Variants in TET3 observed in about 807,000 individuals in gnomAD.
TET3 encodes methylcytosine dioxygenase TET3.
Under a neutral mutation model 141.4 loss-of-function variants are expected in TET3, and 19 were observed. The observed-to-expected ratio is 0.13, with a 90% CI of 0.09 to 0.20. The LOEUF is 0.20. Ranked by LOEUF, TET3 falls within the 10% of genes least tolerant of loss-of-function variation. The pLI is 1.00. For missense variants in TET3, 1,874 were observed against 2,356.9 expected, an observed-to-expected ratio of 0.80 and a Z score of 4.24; for synonymous variants, 1,043 against 980.9, an observed-to-expected ratio of 1.06 and a Z score of -1.18.
At chr2:74,068,280 T>C (rs1234822767) in intron 4 of TET3, among the ~76,000 whole-genome samples, 1 of 152,206 alleles carries the variant, frequency 6.6e-6, no homozygotes, top group Non-Finnish European at 1.5e-5. Context: ...ATGACATATG[T>C]ATATACCTTT....
chr2:74,124,551 C>T, the TET3 span, among the ~76,000 whole-genome samples: 1 of 152,246 alleles, frequency 6.6e-6, no homozygotes, highest in African/African-American at 2.4e-5. Context: ...AGAAAGTAGA[C>T]ATGGGAGACT....
chr2:74,035,368 G>T (rs1433177214), intron 3 of TET3, among the ~76,000 whole-genome samples: 1 of 147,998 alleles, frequency 6.8e-6, no homozygotes, highest in Non-Finnish European at 1.5e-5. Flanking sequence ...GGAGGCTGAG[G>T]CAGGAGAATG....
chr2:74,093,778 C>T lies in TET3; in HGVS notation c.3267+112C>T. 3 of 1,336,800 alleles carry T rather than the reference C, an allele frequency of 2.2e-6. No homozygotes were observed. The highest frequency in any genetic ancestry group is 2.9e-6 in the Non-Finnish European group (3 of 1,022,394). The allele number at this position is 1,336,800 out of a possible 1,614,324, so 82.8% of individuals were successfully genotyped here. ...GTAGGGAGGGACCTGGAGACAGGAT[C>T]CTCAGAACTCTGGAAGGTTCCCTGC... On this transcript the variant is annotated intron_variant, in intron 10 of 11. Coordinates refer to ENST00000409262, the MANE Select transcript of TET3 (RefSeq NM_001287491.2). This position sits in a 1 kb window ranked among gnomAD's most constrained non-coding sequence, Gnocchi z 4.2.
chr2:74,032,522 G>A (rs1191578336), intron 3 of TET3, among the ~76,000 whole-genome samples: 1 of 134,798 alleles, frequency 7.4e-6, no homozygotes, highest in Admixed American at 7.3e-5. Context: ...GGGAGTTGAG[G>A]CCCTTGCTGG....
At chr2:74,013,336 A>C (rs1685567922) in intron 3 of TET3, among the ~76,000 whole-genome samples, 1 of 151,988 alleles carries the variant, frequency 6.6e-6, no homozygotes, top group Non-Finnish European at 1.5e-5. Flanking sequence ...TTGATTTATT[A>C]ACATAGGAGT....
At chr2:74,082,740 G>A (rs911941319) in intron 6 of TET3, among the ~76,000 whole-genome samples, 3 of 152,042 alleles carry the variant, frequency 2.0e-5, no homozygotes, top group Non-Finnish European at 4.4e-5. Context: ...TTTGGTAAGA[G>A]GGCTTGGTTT....
At chr2:74,088,860 C>T (rs1211957137) in intron 7 of TET3, among the ~76,000 whole-genome samples, 1 of 152,038 alleles carries the variant, frequency 6.6e-6, no homozygotes, top group East Asian at 1.9e-4. Context: ...GCGGGTGGAT[C>T]GCCTGAGGCC....
At chr2:74,095,020 C>G (rs1690729317) in intron 10 of TET3, among the ~76,000 whole-genome samples, 1 of 152,042 alleles carries the variant, frequency 6.6e-6, no homozygotes, top group African/African-American at 2.4e-5. Flanking sequence ...GGAGTTTGGA[C>G]TTGGTTAGGG....
At chr2:74,085,666 G>C (rs545374535) in intron 6 of TET3, among the ~76,000 whole-genome samples, 3 of 152,268 alleles carry the variant, frequency 2.0e-5, no homozygotes, top group African/African-American at 7.2e-5. Flanking sequence ...AGCTGCTGCT[G>C]ATCTGACAGG....
rs1244573495 is a variant in TET3, at chr2:74,100,266, C to G, written c.3605-127C>G. 2.3e-5 allele frequency: 24 copies of G among 1,047,822 alleles called. No individual in the cohort carries two copies. The Admixed American group carries it at 5.5e-4, about 24-fold the overall frequency. The allele number at this position is 1,047,822 out of a possible 1,614,324, so 64.9% of individuals were successfully genotyped here. On this transcript the variant is annotated intron_variant, in intron 11 of 11. Coordinates refer to ENST00000409262, the MANE Select transcript of TET3 (RefSeq NM_001287491.2). ...GGGCTGGACATGCCTCAGCACCTCA[C>G]CTGCCTGTCCCAAAAGAGGAAACAT...
At chr2:74,056,652 T>A (rs917447521) in intron 4 of TET3, among the ~76,000 whole-genome samples, 2 of 152,172 alleles carry the variant, frequency 1.3e-5, no homozygotes, top group African/African-American at 2.4e-5. Flanking sequence ...TTTATCTTTA[T>A]GGAGAAGGAA....
chr2:74,019,549 C>T (rs780464954), intron 3 of TET3, among the ~76,000 whole-genome samples: 9 of 152,138 alleles, frequency 5.9e-5, no homozygotes, highest in African/African-American at 9.7e-5. Context: ...GTGGGGTGCT[C>T]ATCTCACTCC....
chr2:74,111,597 G>T (rs1691706809), downstream of TET3, among the ~76,000 whole-genome samples: 1 of 152,148 alleles, frequency 6.6e-6, no homozygotes, highest in Non-Finnish European at 1.5e-5. Flanking sequence ...TACAGATATG[G>T]ACTCCTCCCT....
chr2:74,089,373 G>T (rs1416040274), intron 7 of TET3, among the ~76,000 whole-genome samples: 1 of 152,166 alleles, frequency 6.6e-6, no homozygotes. Context: ...CCACTGTGTG[G>T]ATCTATCATA....
At chr2:74,050,407 G>A (rs1687883113) in intron 4 of TET3, among the ~76,000 whole-genome samples, 1 of 152,008 alleles carries the variant, frequency 6.6e-6, no homozygotes, top group African/African-American at 2.4e-5. Flanking sequence ...GTCCAATAGG[G>A]CAAGAAAAGT....
intron 3 of TET3, among the ~76,000 whole-genome samples, chr2:74,035,392 A>AG (rs1686993712): frequency 6.9e-6 from 1 of 145,416 alleles, no homozygotes; most frequent in Non-Finnish European, 1.5e-5. Context: ...TGAACCTGGG[A>AG]GGCGGAGCTT....
intron 2 of TET3, among the ~76,000 whole-genome samples, chr2:74,002,097 G>C (rs1055539972): frequency 3.9e-5 from 6 of 152,180 alleles, no homozygotes; most frequent in African/African-American, 1.4e-4. Flanking sequence ...AGCTTGCATA[G>C]CTGTTAAGAG....
rs2105146193 is a variant in TET3 at position 74,003,230 on chromosome 2, A to T, written c.360+64A>T. ...TGGTGGCGGTGAAGTGTTTGACCGG[A>T]TTGGATAAAAATAAAGGGTCTCCTC... is the stretch of plus-strand genomic sequence containing the variant. On this transcript the variant is annotated intron_variant, in intron 3 of 11. Transcript: ENST00000409262. The T allele has an allele frequency of 1.9e-6, 3 of 1,539,462 alleles. No homozygotes were observed. The South Asian group carries it at 3.6e-5, about 18-fold the overall frequency.
At chr2:74,079,043 C>G (rs570615885) in intron 5 of TET3, among the ~76,000 whole-genome samples, 426 of 152,324 alleles carry the variant, frequency 2.8e-3, no homozygotes, top group Non-Finnish European at 5.1e-3. Flanking sequence ...GAGATGCCCG[C>G]CAGCCCTTCA....
Sources: gnomAD v4.1 joint callset for allele counts (sites outside exome capture counted in the v4.1 genomes callset) on GRCh38, gnomAD v4.1.1 for gene constraint, Gnocchi (gnomAD v3.1) non-coding constraint, MANE v1.5 for transcripts, NCBI Gene and HGNC (gene_info 2026-07-23, HGNC 2026-07-21) for gene names.